Variants in TNKS observed in about 807,000 individuals in gnomAD.
The protein encoded by TNKS is poly [ADP-ribose] polymerase tankyrase-1.
Under a neutral mutation model 135.8 loss-of-function variants are expected in TNKS, and 72 were observed. The observed-to-expected ratio is 0.53, with a 90% CI of 0.44 to 0.64. The LOEUF (loss-of-function observed/expected upper bound fraction) is 0.64. Among genes scored for constraint, TNKS ranks in the 30% least tolerant of loss-of-function variants. TNKS has a pLI of 0.00. For missense variants in TNKS, 1,769 were observed against 1,674.0 expected, an observed-to-expected ratio of 1.06 and a Z score of -0.99; for synonymous variants, 849 against 649.3, an observed-to-expected ratio of 1.31 and a Z score of -4.68.
At chr8:9,660,185 T>C (rs1416635693) in intron 3 of TNKS, among the ~76,000 whole-genome samples, 2 of 152,204 alleles carry the variant, frequency 1.3e-5, no homozygotes, top group Non-Finnish European at 1.5e-5. Context: ...CCATTCCTTC[T>C]GAAACTATTC....
intron 3 of TNKS, among the ~76,000 whole-genome samples, chr8:9,666,360 C>G (rs553526267): frequency 3.9e-5 from 6 of 152,086 alleles, no homozygotes; most frequent in South Asian, 2.1e-4. Flanking sequence ...ACATTCTAAA[C>G]TAAAAGGAAA....
intron 2 of TNKS, among the ~76,000 whole-genome samples, chr8:9,607,787 G>C (rs964440166): frequency 6.6e-6 from 1 of 152,118 alleles, no homozygotes; most frequent in African/African-American, 2.4e-5. Flanking sequence ...ATATTTTAAA[G>C]AAATCTAATG....
At chr8:9,748,938 G>A (rs987956773) in intron 18 of TNKS, among the ~76,000 whole-genome samples, 1 of 152,160 alleles carries the variant, frequency 6.6e-6, no homozygotes, top group South Asian at 2.1e-4. Flanking sequence ...GGCCTTGACA[G>A]ATACAACTAG....
intron 3 of TNKS, among the ~76,000 whole-genome samples, chr8:9,627,532 G>A (rs868819004): frequency 2.4e-4 from 36 of 150,258 alleles, no homozygotes; most frequent in African/African-American, 7.3e-4. Context: ...GCTGTTGCCT[G>A]TGGCAAAATT....
At chr8:9,584,573 C>T (rs188550630) in intron 2 of TNKS, among the ~76,000 whole-genome samples, 14 of 152,312 alleles carry the variant, frequency 9.2e-5, no homozygotes, top group Admixed American at 9.2e-4. Flanking sequence ...ACTCTCCTGT[C>T]ATTTCAGTCT....
At chr8:9,729,006 A>G (rs565097533) in intron 13 of TNKS, among the ~76,000 whole-genome samples, 277 of 152,338 alleles carry the variant, frequency 1.8e-3, no homozygotes, top group African/African-American at 6.5e-3. Flanking sequence ...TCTGGAGGCT[A>G]GGAAGTCCAA....
At chr8:9,760,118 T>G (rs561641213) in intron 20 of TNKS, among the ~76,000 whole-genome samples, 6 of 152,282 alleles carry the variant, frequency 3.9e-5, no homozygotes, top group Non-Finnish European at 8.8e-5. Flanking sequence ...ATCAATAACA[T>G]AGTTTCCAAA....
At chr8:9,573,099 A>G in intron 1 of TNKS, among the ~76,000 whole-genome samples, 1 of 152,172 alleles carries the variant, frequency 6.6e-6, no homozygotes, top group East Asian at 1.9e-4. Flanking sequence ...GTTTCTAAAG[A>G]TAATGATGAA....
At chr8:9,717,101 A>ATATATATATATATATATTTTTTTTT (rs1454492300) in intron 11 of TNKS, among the ~76,000 whole-genome samples, 1 of 119,336 alleles carries the variant, frequency 8.4e-6, no homozygotes, top group African/African-American at 2.9e-5. Flanking sequence ...ATATATATAT[A>ATATATATATATATATATTTTTTTTT]TTTTCAGGGA....
chr8:9,585,077 A>G (rs1257866946), intron 2 of TNKS, among the ~76,000 whole-genome samples: 1 of 152,116 alleles, frequency 6.6e-6, no homozygotes, highest in Non-Finnish European at 1.5e-5. Context: ...AAAAAAAAAT[A>G]TCTCCCAGAG....
At chr8:9,747,210 C>A (rs924139512) in intron 17 of TNKS, among the ~76,000 whole-genome samples, 1 of 152,142 alleles carries the variant, frequency 6.6e-6, no homozygotes, top group Non-Finnish European at 1.5e-5. Flanking sequence ...AACTCAATTT[C>A]TTTTAATAGT....
At chr8:9,686,847 G>C (rs2128799906) in intron 5 of TNKS, among the ~76,000 whole-genome samples, 1 of 135,916 alleles carries the variant, frequency 7.4e-6, no homozygotes, top group Middle Eastern at 3.8e-3. Flanking sequence ...TCATATCTCT[G>C]AGTTCTCAAT....
chr8:9,706,759 T>G, intron 7 of TNKS, 52 bp from the exon 8 acceptor site: 1 of 1,519,668 alleles, frequency 6.6e-7, no homozygotes, highest in South Asian at 1.3e-5. Context: ...TTGAGTTTTA[T>G]TTGATCCAGC....
chr8:9,708,264 A>G, intron 8 of TNKS, 107 bp from the exon 9 acceptor site: 1 of 1,042,330 alleles, frequency 9.6e-7, no homozygotes, highest in Non-Finnish European at 1.3e-6. Flanking sequence ...TGTTGTTAAA[A>G]TAGAGAAATT....
At chr8:9,599,988 G>T (rs1042284531) in intron 2 of TNKS, among the ~76,000 whole-genome samples, 2 of 152,146 alleles carry the variant, frequency 1.3e-5, no homozygotes, top group African/African-American at 4.8e-5. Context: ...TATTCACATG[G>T]ATGAATTTTT....
chr8:9,556,358 C>G lies in TNKS; in HGVS notation c.419C>G (p.Ser140Cys). 1.2e-6 allele frequency: 2 copies of G among 1,614,256 alleles called. No homozygotes were observed. Among genetic ancestry groups the G allele is most frequent in the Non-Finnish European group, 1.7e-6 (2 of 1,180,046 alleles). ...SSSSSPTSSS[S>C]SSPSSPGSSL... ...TCTTCTTCCCCGACTTCTTCCTCAT[C>G]TTCCTCTCCATCCTCCCCTGGATCG... The change falls in exon 1 of 27, where the codon TCT (serine) becomes TGT (cysteine). Residue 140 changes from serine (S) to cysteine (C), a missense_variant. This residue lies in a region of TNKS where 450 missense variants were observed against 304.9 expected (regional missense o/e 1.48). Coordinates refer to ENST00000310430, the MANE Select transcript of TNKS (RefSeq NM_003747.3).
At chr8:9,754,138 T>A (rs1806707095) in intron 20 of TNKS, among the ~76,000 whole-genome samples, 1 of 152,200 alleles carries the variant, frequency 6.6e-6, no homozygotes, top group East Asian at 1.9e-4. Flanking sequence ...CATAATTTCG[T>A]CTGCAGACAC....
At chr8:9,562,238 T>C (rs1340470346) in intron 1 of TNKS, among the ~76,000 whole-genome samples, 13 of 152,200 alleles carry the variant, frequency 8.5e-5, no homozygotes, top group Admixed American at 7.9e-4. Context: ...TTCTGCATAC[T>C]AGTGCTTTGT....
intron 2 of TNKS, among the ~76,000 whole-genome samples, chr8:9,583,092 G>C (rs573754433): frequency 6.6e-6 from 1 of 151,126 alleles, no homozygotes; most frequent in South Asian, 2.1e-4. Context: ...GCATGAACCC[G>C]GGAGGCGGAG....
Sources: allele counts gnomAD v4.1 joint callset (sites outside exome capture counted in the v4.1 genomes callset), GRCh38; gene constraint gnomAD v4.1.1; regional missense constraint gnomAD v4.1.1; transcripts MANE v1.5; gene names NCBI Gene and HGNC (gene_info 2026-07-23, HGNC 2026-07-21).